The following KCNB2 variants were observed in gnomAD, a reference collection of about 807,000 sequenced individuals.
KCNB2 encodes the protein delayed rectifier potassium channel protein.
KCNB2 carries 15 observed loss-of-function variants against 61.5 expected under a neutral mutation model. The ratio of observed to expected loss-of-function variants is 0.24; its 90% CI spans 0.16 to 0.38. The LOEUF is 0.38. KCNB2 is among the 10% of genes least tolerant of loss of function. The pLI, the probability that KCNB2 is intolerant of heterozygous loss-of-function variation, is 1.00. For synonymous variants in KCNB2, 457 were observed against 446.0 expected (o/e 1.02, Z -0.31); for missense variants, 828 against 1,125.2 (o/e 0.74, Z 3.78).
intron 2 of KCNB2, among the ~76,000 whole-genome samples, chr8:72,917,765 C>T (rs1373247432): frequency 6.6e-6 from 1 of 152,056 alleles, no homozygotes; most frequent in African/African-American, 2.4e-5. Flanking sequence ...ATTTAAAAGC[C>T]CCCACTAATC....
At chr8:72,540,181 A>G (rs1806169634) in intron 1 of KCNB2, among the ~76,000 whole-genome samples, 1 of 152,182 alleles carries the variant, frequency 6.6e-6, no homozygotes, top group African/African-American at 2.4e-5. Flanking sequence ...GGAAACCTAT[A>G]AGATATATTT....
intron 2 of KCNB2, among the ~76,000 whole-genome samples, chr8:72,922,594 C>T (rs900022928): frequency 6.6e-6 from 1 of 152,222 alleles, no homozygotes; most frequent in African/African-American, 2.4e-5. Flanking sequence ...CAGGAATGCT[C>T]TCTTCAGCCT....
At chr8:72,717,384 G>A (rs1332201584) in intron 2 of KCNB2, among the ~76,000 whole-genome samples, 2 of 152,108 alleles carry the variant, frequency 1.3e-5, no homozygotes, top group Non-Finnish European at 2.9e-5. Context: ...AACAAAGCTG[G>A]AGGCATCACA....
chr8:72,822,452 G>A (rs150618801), intron 2 of KCNB2, among the ~76,000 whole-genome samples: 165 of 152,258 alleles, frequency 1.1e-3, no homozygotes, highest in Non-Finnish European at 1.9e-3. Context: ...CAGGCTCTAC[G>A]CTTAAGTGTT....
At chr8:72,562,892 G>A (rs1436949308) in intron 1 of KCNB2, among the ~76,000 whole-genome samples, 1 of 152,028 alleles carries the variant, frequency 6.6e-6, no homozygotes, top group Non-Finnish European at 1.5e-5. Flanking sequence ...GAACACTCTA[G>A]GGTCGTAAAA....
At chr8:72,590,007 T>G (rs904451933) in intron 2 of KCNB2, among the ~76,000 whole-genome samples, 4 of 152,206 alleles carry the variant, frequency 2.6e-5, no homozygotes, top group African/African-American at 9.7e-5. Context: ...ACAGTGTATG[T>G]GTAGATTATC....
intron 2 of KCNB2, among the ~76,000 whole-genome samples, chr8:72,823,955 A>G (rs1175466617): frequency 6.6e-6 from 1 of 152,164 alleles, no homozygotes; most frequent in Non-Finnish European, 1.5e-5. Context: ...TGTAGCTGGT[A>G]TACCCAACAA....
intron 2 of KCNB2, among the ~76,000 whole-genome samples, chr8:72,675,841 C>T (rs970155883): frequency 1.6e-4 from 24 of 152,240 alleles, no homozygotes; most frequent in African/African-American, 5.3e-4. Context: ...CATGAGTCAC[C>T]GCGCCTGGCC....
intron 2 of KCNB2, among the ~76,000 whole-genome samples, chr8:72,903,331 G>C (rs981358250): frequency 3.9e-5 from 6 of 152,156 alleles, no homozygotes; most frequent in Admixed American, 2.6e-4. Flanking sequence ...AGGGACTGCT[G>C]GTAGGTGGAG....
intron 2 of KCNB2, among the ~76,000 whole-genome samples, chr8:72,614,733 T>G (rs1256933628): frequency 6.6e-6 from 1 of 152,128 alleles, no homozygotes; most frequent in Non-Finnish European, 1.5e-5. Flanking sequence ...CTTCCGTTGG[T>G]TCTGTCCTTT....
chr8:72,633,596 T>C (rs1206319938), intron 2 of KCNB2, among the ~76,000 whole-genome samples: 1 of 152,158 alleles, frequency 6.6e-6, no homozygotes. Flanking sequence ...CTTAGAAGAC[T>C]CTGAGGGATC....
chr8:72,610,835 A>T (rs148141672), intron 2 of KCNB2, among the ~76,000 whole-genome samples: 2 of 152,222 alleles, frequency 1.3e-5, no homozygotes, highest in Non-Finnish European at 2.9e-5. Context: ...TTAAAAACAT[A>T]TAAAAGCAAG....
At chr8:72,652,155 CT>C (rs1048205888) in intron 2 of KCNB2, among the ~76,000 whole-genome samples, 2 of 152,176 alleles carry the variant, frequency 1.3e-5, no homozygotes, top group African/African-American at 4.8e-5. Flanking sequence ...AAAGGCATCT[CT>C]TTCTCAAGGC....
chr8:72,742,216 A>G (rs1181184507), intron 2 of KCNB2, among the ~76,000 whole-genome samples: 1 of 152,190 alleles, frequency 6.6e-6, no homozygotes, highest in Non-Finnish European at 1.5e-5. Flanking sequence ...TTAAAACTGT[A>G]TTTGTTCACC....
intron 2 of KCNB2, among the ~76,000 whole-genome samples, chr8:72,838,644 G>A (rs902036185): frequency 5.3e-5 from 8 of 152,216 alleles, no homozygotes; most frequent in Non-Finnish European, 7.4e-5. Context: ...GGATTGCTGC[G>A]TCAAATGGTA....
At chr8:72,821,903 G>A (rs763928878) in intron 2 of KCNB2, among the ~76,000 whole-genome samples, 1 of 152,078 alleles carries the variant, frequency 6.6e-6, no homozygotes, top group African/African-American at 2.4e-5. Context: ...CTCTCCCTTA[G>A]CCTACCACTC....
chr8:72,718,004 G>C (rs1414568111), intron 2 of KCNB2, among the ~76,000 whole-genome samples: 1 of 151,680 alleles, frequency 6.6e-6, no homozygotes, highest in Non-Finnish European at 1.5e-5. Flanking sequence ...GTGGGCAAAG[G>C]ATATGAACAG....
intron 1 of KCNB2, among the ~76,000 whole-genome samples, chr8:72,542,347 T>A (rs1288279937): frequency 6.6e-6 from 1 of 152,184 alleles, no homozygotes; most frequent in Non-Finnish European, 1.5e-5. Flanking sequence ...ACCTTGAACC[T>A]ACAATTGGCT....
Position 72,717,365 on chromosome 8 carries a change from A to T in KCNB2, c.579+149052A>T, listed in dbSNP as rs534431008. Among the ~76,000 whole-genome samples the T allele has an allele frequency of 3.2e-4, 48 of 152,290 alleles. No individual in the cohort carries two copies. The South Asian group carries it at 9.3e-3, about 30-fold the overall frequency. ...AGCTTGCATCGCCAAGTCAATCCTAAGCCAAAAGAACAAAGCTGGAGGCAT... is the reference window on the plus strand; with the variant it reads ...AGCTTGCATCGCCAAGTCAATCCTATGCCAAAAGAACAAAGCTGGAGGCAT... On this transcript the variant is annotated intron_variant, in intron 2 of 2. Coordinates refer to ENST00000523207, the MANE Select transcript of KCNB2 (RefSeq NM_004770.3).
Sources: allele counts gnomAD v4.1 joint callset (sites outside exome capture counted in the v4.1 genomes callset), GRCh38; gene constraint gnomAD v4.1.1; transcripts MANE v1.5; gene names NCBI Gene and HGNC (gene_info 2026-07-23, HGNC 2026-07-21).